Variants in SPAG17 observed in about 807,000 individuals in gnomAD.
SPAG17 encodes sperm associated antigen 17, also known as sperm-associated antigen 17.
In SPAG17, 169 loss-of-function variants were observed where a neutral mutation model predicts 273.6. The ratio of observed to expected loss-of-function variants is 0.62; its 90% confidence interval spans 0.55 to 0.70. SPAG17 has a LOEUF of 0.70. Ranked by LOEUF, SPAG17 falls within the 30% of genes least tolerant of loss-of-function variation. SPAG17 has a pLI of 0.00. For synonymous variants in SPAG17, 825 were observed against 873.2 expected (o/e 0.94, Z 0.97); for missense variants, 2,557 against 2,627.8 (o/e 0.97, Z 0.59).
intron 1 of SPAG17, among the ~76,000 whole-genome samples, chr1:118,184,771 G>A (rs1661106545): frequency 6.6e-6 from 1 of 152,186 alleles, no homozygotes; most frequent in Non-Finnish European, 1.5e-5. Context: ...TACAATTGTG[G>A]AGTGCCATCT....
At chr1:118,022,678 A>C (rs1400706761) in intron 28 of SPAG17, among the ~76,000 whole-genome samples, 1 of 152,158 alleles carries the variant, frequency 6.6e-6, no homozygotes, top group East Asian at 1.9e-4. Flanking sequence ...TTGCTTATCC[A>C]AGTATTGTTC....
At chr1:118,033,906 G>A (rs373283739) in intron 24 of SPAG17, among the ~76,000 whole-genome samples, 1 of 152,178 alleles carries the variant, frequency 6.6e-6, no homozygotes. Context: ...CCAGTACTCT[G>A]TTTATGTATA....
At chr1:118,030,333 CT>C (rs1648294234) in intron 25 of SPAG17, among the ~76,000 whole-genome samples, 1 of 151,586 alleles carries the variant, frequency 6.6e-6, no homozygotes, top group South Asian at 2.1e-4. Flanking sequence ...GTACACTGTA[CT>C]TTTTTAGTAG....
At chr1:118,023,488 G>T (rs753831876) in intron 27 of SPAG17, 25 bp from the exon 28 acceptor site, 2 of 1,596,524 alleles carry the variant, frequency 1.3e-6, no homozygotes. Flanking sequence ...AAAGTTTTCA[G>T]CATTCTCAGA....
At chr1:118,080,841 C>A (rs1654490007) in intron 15 of SPAG17, among the ~76,000 whole-genome samples, 1 of 152,088 alleles carries the variant, frequency 6.6e-6, no homozygotes, top group Non-Finnish European at 1.5e-5. Flanking sequence ...AACTGTGTAA[C>A]ACTAATGATG....
chr1:118,035,042 G>A lies in SPAG17; in HGVS notation c.3433+1728C>T, dbSNP rs555236418. On this transcript the variant is annotated intron_variant, in intron 24 of 48. Transcript: ENST00000336338. ...TAGCTGTGCCTACCCAATTAAAGGG[G>A]GAGAACTGGAATGGAAACTTGTTAA... Among the ~76,000 whole-genome samples the A allele has an allele frequency of 2.0e-5, 3 of 152,176 alleles. No individual in the cohort carries two copies. The South Asian group carries it at 6.2e-4, about 32-fold the overall frequency.
chr1:118,081,162 A>T lies in SPAG17; in HGVS notation c.2148T>A (p.Asp716Glu). 1 of 1,613,908 alleles carries T rather than the reference A, an allele frequency of 6.2e-7. No homozygotes were observed. Among genetic ancestry groups the T allele is most frequent in the Non-Finnish European group, 8.5e-7 (1 of 1,179,982 alleles). The stretch of plus-strand genomic sequence containing the variant: ...TCTCCTGCTCTAACAGCTGTCTATT[A>T]TCAGGGACTGAGAGTTTGAGATTAT... ...DLNNLKLSVP[D>E]NRQLLEQESI... The change falls in exon 15 of 49, where the codon GAT (aspartate) becomes GAA (glutamate). Residue 716 changes from aspartate (D) to glutamate (E), a missense_variant. Physicochemically the swap from Asp to Glu is conservative, Grantham distance 45 (BLOSUM62 2). Coordinates refer to ENST00000336338, the MANE Select transcript of SPAG17 (RefSeq NM_206996.4).
In SPAG17 at chr1:118,086,850, T is replaced by C. The variant is rs1655034299; in HGVS notation, c.1497+21A>G. ...ATACTTTTCCAAAGCATGAAGACTC[T>C]GCTATCTCAGGCTATCTGACCTTTT... On this transcript the variant is annotated intron_variant, in intron 11 of 48. Coordinates refer to ENST00000336338, the MANE Select transcript of SPAG17 (RefSeq NM_206996.4). 4 of 1,614,212 alleles carry C rather than the reference T, an allele frequency of 2.5e-6. No homozygotes were observed. In the East Asian group the frequency reaches 8.9e-5, roughly 36 times the overall value.
At chr1:118,040,952 T>C (rs1412908855) in intron 21 of SPAG17, 111 bp from the exon 22 acceptor site, 1 of 712,432 alleles carries the variant, frequency 1.4e-6, no homozygotes, top group Non-Finnish European at 2.5e-6. Context: ...CTAAGTGATA[T>C]GTCTGTCACT....
At chr1:117,966,326 A>G (rs1354880434) in intron 47 of SPAG17, 1 of 253,462 alleles carries the variant, frequency 3.9e-6, no homozygotes, top group African/African-American at 2.2e-5. Context: ...TTTGTGATAG[A>G]TACTTGCTGT....
rs186542738 is a variant in SPAG17 at position 118,001,269 on chromosome 1, G to A, written c.4776+4145C>T. ...ACATCGATGTTCATCAGGGACATTG[G>A]TCTAAAATTCTCCTTTTTTGTTGTG... On this transcript the variant is annotated intron_variant, in intron 32 of 48. Transcript: ENST00000336338. Among the ~76,000 whole-genome samples the A allele has an allele frequency of 3.3e-3, 508 of 152,310 alleles. 2 individuals are homozygous for A. Among genetic ancestry groups the A allele is most frequent in the Non-Finnish European group, 6.3e-3 (429 of 68,030 alleles).
intron 28 of SPAG17, 138 bp from the exon 29 acceptor site, chr1:118,016,320 A>C: frequency 1.5e-6 from 1 of 678,138 alleles, no homozygotes; most frequent in Non-Finnish European, 2.5e-6. Context: ...TTCATCAATT[A>C]TATTATTTCT....
At chr1:117,971,469 T>C (rs1057458024) in intron 45 of SPAG17, among the ~76,000 whole-genome samples, 5 of 152,232 alleles carry the variant, frequency 3.3e-5, no homozygotes, top group Non-Finnish European at 7.3e-5. Flanking sequence ...GATCATAATG[T>C]GCAAACAAAC....
chr1:118,099,656 G>A lies in SPAG17; in HGVS notation c.779C>T (p.Thr260Ile). The change falls in exon 6 of 49, where the codon ACA becomes ATA. Residue 260 changes from threonine to isoleucine, a missense_variant. Thr to Ile is a moderately conservative substitution (Grantham distance 89). Transcript: ENST00000336338. Reference sequence around the variant, plus strand: ...CTGCTGGTTAACTGCTGCCAGGTGTGTCTGCAGAGGTTCATAATTCTCTGA... The same window carrying A: ...CTGCTGGTTAACTGCTGCCAGGTGTATCTGCAGAGGTTCATAATTCTCTGA... Reference protein sequence around the residue: ...ISSENYEPLQTHLAAVNQQQE... With the variant: ...ISSENYEPLQIHLAAVNQQQE... 1 of 1,614,080 alleles carries A rather than the reference G, an allele frequency of 6.2e-7. No homozygotes were observed. Among genetic ancestry groups the A allele is most frequent in the Middle Eastern group, 1.7e-4 (1 of 6,058 alleles).
intron 4 of SPAG17, among the ~76,000 whole-genome samples, chr1:118,105,266 T>A (rs1301542990): frequency 1.3e-5 from 2 of 152,144 alleles, no homozygotes; most frequent in Non-Finnish European, 2.9e-5. Context: ...GTAAGAGTTA[T>A]CTTATGTCAG....
intron 1 of SPAG17, among the ~76,000 whole-genome samples, chr1:118,178,115 G>A (rs529049699): frequency 3.3e-5 from 5 of 152,068 alleles, no homozygotes; most frequent in African/African-American, 1.2e-4. Context: ...AAACAACAAC[G>A]TAAAAGGCTA....
intron 20 of SPAG17, among the ~76,000 whole-genome samples, 167 bp downstream of exon 20, chr1:118,053,835 C>G (rs1651343041): frequency 6.6e-6 from 1 of 151,878 alleles, no homozygotes; most frequent in East Asian, 1.9e-4. Flanking sequence ...TCAAACACTC[C>G]TGTAAATATC....
chr1:117,973,786 A>G (rs1239377087), intron 43 of SPAG17, among the ~76,000 whole-genome samples: 1 of 152,164 alleles, frequency 6.6e-6, no homozygotes, highest in Non-Finnish European at 1.5e-5. Flanking sequence ...AATAGTGAAC[A>G]TAGTATGCGA....
At chr1:118,100,917 T>C (rs751582429) in intron 5 of SPAG17, among the ~76,000 whole-genome samples, 7 of 152,136 alleles carry the variant, frequency 4.6e-5, no homozygotes, top group Non-Finnish European at 8.8e-5. Flanking sequence ...TCTATGTGAG[T>C]CACCAAATTA....
Sources: gnomAD v4.1 joint callset for allele counts (sites outside exome capture counted in the v4.1 genomes callset) on GRCh38, gnomAD v4.1.1 for gene constraint, MANE v1.5 for transcripts, NCBI Gene and HGNC (gene_info 2026-07-23, HGNC 2026-07-21) for gene names.